Variants in CSMD1 observed in about 807,000 individuals in gnomAD.
CSMD1 encodes CUB and Sushi multiple domains 1, also known as CUB and sushi domain-containing protein 1.
In CSMD1, 213 loss-of-function variants were observed where a neutral mutation model predicts 417.5. The observed-to-expected ratio is 0.51, with a 90% CI of 0.46 to 0.57. The LOEUF is 0.57. CSMD1 is among the 20% of genes least tolerant of loss of function. The pLI is 0.00. For missense variants in CSMD1, 6,923 were observed against 4,529.7 expected, an observed-to-expected ratio of 1.53 and a Z score of -15.17; for synonymous variants, 2,862 against 1,736.8, an observed-to-expected ratio of 1.65 and a Z score of -16.11.
At chr8:4,902,221 G>A (rs570617934) in intron 1 of CSMD1, among the ~76,000 whole-genome samples, 2 of 151,684 alleles carry the variant, frequency 1.3e-5, no homozygotes, top group African/African-American at 4.8e-5. Context: ...ACTCACCTGG[G>A]CAACTTAGCA....
At chr8:4,909,259 G>C (rs76604528) in intron 1 of CSMD1, among the ~76,000 whole-genome samples, 1,822 of 152,200 alleles carry the variant, frequency 0.012, 11 homozygotes, top group Non-Finnish European at 0.019. Context: ...CTAGCTGTGA[G>C]TCTTTTAGTG....
intron 3 of CSMD1, among the ~76,000 whole-genome samples, chr8:4,090,913 T>TC (rs1254323184): frequency 2.5e-5 from 3 of 117,972 alleles, no homozygotes; most frequent in Non-Finnish European, 5.7e-5. Flanking sequence ...GGGGCAGTCT[T>TC]TTTTTTTTTT....
chr8:4,048,933 G>A (rs1184900243), intron 3 of CSMD1, among the ~76,000 whole-genome samples: 2 of 152,042 alleles, frequency 1.3e-5, no homozygotes, highest in Admixed American at 6.5e-5. Context: ...TTCAAATGCT[G>A]CAAATATTTC....
At chr8:3,036,176 G>C (rs528561632) in intron 50 of CSMD1, among the ~76,000 whole-genome samples, 5 of 152,138 alleles carry the variant, frequency 3.3e-5, no homozygotes, top group African/African-American at 4.8e-5. Flanking sequence ...TAATTTGGCC[G>C]TGAGTAATTC....
At chr8:4,682,959 TA>T (rs1445863694) in intron 1 of CSMD1, among the ~76,000 whole-genome samples, 5 of 20,566 alleles carry the variant, frequency 2.4e-4, no homozygotes, top group African/African-American at 1.3e-3. Context: ...TATCTTCATA[TA>T]TATATATATA....
At chr8:4,216,142 C>A (rs1212523061) in intron 3 of CSMD1, among the ~76,000 whole-genome samples, 3 of 151,994 alleles carry the variant, frequency 2.0e-5, no homozygotes, top group Non-Finnish European at 4.4e-5. Flanking sequence ...TTTATGTAAT[C>A]CCATTTTTTC....
chr8:3,748,905 T>C (rs1195706996), intron 6 of CSMD1, among the ~76,000 whole-genome samples: 1 of 152,226 alleles, frequency 6.6e-6, no homozygotes, highest in Non-Finnish European at 1.5e-5. Flanking sequence ...ATTTATGAGA[T>C]GAATGTTCCC....
At chr8:4,344,895 G>C (rs945225298) in intron 3 of CSMD1, among the ~76,000 whole-genome samples, 1 of 152,112 alleles carries the variant, frequency 6.6e-6, no homozygotes, top group African/African-American at 2.4e-5. Flanking sequence ...ATACGTCATG[G>C]ACAAGAACAG....
intron 3 of CSMD1, among the ~76,000 whole-genome samples, chr8:4,368,321 A>C (rs1005943151): frequency 1.3e-5 from 2 of 152,166 alleles, no homozygotes; most frequent in African/African-American, 4.8e-5. Context: ...CCAACTTTAG[A>C]TCACAGGTAT....
intron 3 of CSMD1, among the ~76,000 whole-genome samples, chr8:4,196,501 A>C (rs537849070): frequency 6.6e-6 from 1 of 152,108 alleles, no homozygotes; most frequent in African/African-American, 2.4e-5. Context: ...AGTTTGTTAC[A>C]TTTATGGGGC....
intron 4 of CSMD1, among the ~76,000 whole-genome samples, chr8:4,005,066 T>C (rs920091391): frequency 1.3e-5 from 2 of 152,104 alleles, no homozygotes; most frequent in African/African-American, 4.8e-5. Context: ...ATGTTCTCAC[T>C]GATGTGTGGG....
chr8:3,718,507 C>A (rs191082759), intron 6 of CSMD1, among the ~76,000 whole-genome samples: 9 of 152,210 alleles, frequency 5.9e-5, no homozygotes, highest in Non-Finnish European at 1.2e-4. Flanking sequence ...CAATGTGAAC[C>A]ATTTGTACTG....
At chr8:3,013,652 T>C (rs1808589985) in intron 52 of CSMD1, among the ~76,000 whole-genome samples, 1 of 150,258 alleles carries the variant, frequency 6.7e-6, no homozygotes, top group Admixed American at 6.7e-5. Flanking sequence ...CTCAGGAGGG[T>C]GAGGCAGGAC....
At chr8:3,080,404 A>C (rs920213777) in intron 49 of CSMD1, among the ~76,000 whole-genome samples, 1 of 152,264 alleles carries the variant, frequency 6.6e-6, no homozygotes, top group Admixed American at 6.5e-5. Context: ...GATAAGAACC[A>C]ACAGAGATTT....
intron 1 of CSMD1, among the ~76,000 whole-genome samples, chr8:4,807,287 A>G (rs965236666): frequency 2.6e-5 from 4 of 152,180 alleles, no homozygotes; most frequent in African/African-American, 4.8e-5. Context: ...GACTTTGGAC[A>G]TGGCCCTATG....
At chr8:4,755,020 C>T (rs1448459677) in intron 1 of CSMD1, among the ~76,000 whole-genome samples, 1 of 152,068 alleles carries the variant, frequency 6.6e-6, no homozygotes, top group East Asian at 1.9e-4. Flanking sequence ...TGCCTGTGAT[C>T]CCAGCTACTT....
At chr8:4,176,152 A>G (rs570103017) in intron 3 of CSMD1, among the ~76,000 whole-genome samples, 1 of 152,186 alleles carries the variant, frequency 6.6e-6, no homozygotes, top group East Asian at 1.9e-4. Context: ...GGGGTGGAAA[A>G]GAGACTCTAT....
chr8:4,807,257 C>A (rs1282443250), intron 1 of CSMD1, among the ~76,000 whole-genome samples: 1 of 152,146 alleles, frequency 6.6e-6, no homozygotes, highest in East Asian at 1.9e-4. Flanking sequence ...AGAAAGCAAA[C>A]CTTATTTCCC....
chr8:4,040,807 T>C (rs2912272), intron 3 of CSMD1, among the ~76,000 whole-genome samples: 2 of 152,130 alleles, frequency 1.3e-5, no homozygotes, highest in African/African-American at 4.8e-5. Context: ...AAAAGATTTT[T>C]AATAGCACGT....
Sources: gnomAD v4.1 joint callset for allele counts (sites outside exome capture counted in the v4.1 genomes callset) on GRCh38, gnomAD v4.1.1 for gene constraint, MANE v1.5 for transcripts, NCBI Gene and HGNC (gene_info 2026-07-23, HGNC 2026-07-21) for gene names.